The following PTPRM variants were observed in gnomAD, a reference collection of about 807,000 sequenced individuals.
The protein encoded by PTPRM is protein tyrosine phosphatase receptor type M, also known as receptor-type tyrosine-protein phosphatase mu.
A neutral mutation model predicts 186.7 loss-of-function variants in PTPRM; 47 were observed. The ratio of observed to expected loss-of-function variants is 0.25; its 90% CI spans 0.20 to 0.32. PTPRM has a LOEUF of 0.32. Ranked by LOEUF, PTPRM falls within the 10% of genes least tolerant of loss-of-function variation. The pLI, the probability that PTPRM is intolerant of heterozygous loss-of-function variation, is 1.00. For synonymous variants in PTPRM, 668 were observed against 674.9 expected, an observed-to-expected ratio of 0.99 and a Z score of 0.16; for missense variants, 1,494 against 1,865.0, an observed-to-expected ratio of 0.80 and a Z score of 3.66.
intron 7 of PTPRM, among the ~76,000 whole-genome samples, chr18:8,026,702 C>CA (rs1235545017): frequency 1.3e-5 from 2 of 151,876 alleles, no homozygotes; most frequent in African/African-American, 4.8e-5. Context: ...ACTAAAAATA[C>CA]AAAAAATTAG....
chr18:7,949,391 A>C (rs1015565037), intron 6 of PTPRM, 36 bp downstream of exon 6: 1 of 1,549,438 alleles, frequency 6.5e-7, no homozygotes, highest in Non-Finnish European at 8.8e-7. Context: ...ATATTCTTCT[A>C]AAGTAGATAT....
intron 11 of PTPRM, among the ~76,000 whole-genome samples, chr18:8,095,097 G>C (rs1393308794): frequency 6.6e-6 from 1 of 152,116 alleles, no homozygotes; most frequent in African/African-American, 2.4e-5. Flanking sequence ...TGGGGATATG[G>C]AGGAGGCTGC....
intron 3 of PTPRM, among the ~76,000 whole-genome samples, chr18:7,903,336 C>T (rs1473139393): frequency 6.6e-6 from 1 of 152,214 alleles, no homozygotes; most frequent in African/African-American, 2.4e-5. Flanking sequence ...TCTTGGGTAG[C>T]TGGTAGTGGT....
chr18:7,613,824 A>G (rs1460224254), intron 1 of PTPRM, among the ~76,000 whole-genome samples: 2 of 152,198 alleles, frequency 1.3e-5, no homozygotes, highest in Non-Finnish European at 1.5e-5. Flanking sequence ...GTCCCTTCCA[A>G]TTGGTTTAAT....
chr18:8,241,595 T>C (rs1203581545), intron 14 of PTPRM, among the ~76,000 whole-genome samples: 2 of 152,222 alleles, frequency 1.3e-5, no homozygotes, highest in Non-Finnish European at 1.5e-5. Flanking sequence ...TTGAAATGAC[T>C]TGAACCTCCA....
At chr18:7,863,809 C>T (rs982255228) in intron 2 of PTPRM, among the ~76,000 whole-genome samples, 2 of 152,118 alleles carry the variant, frequency 1.3e-5, no homozygotes, top group Admixed American at 1.3e-4. Flanking sequence ...AATTTATGCT[C>T]CCACCAACAG....
In PTPRM at chr18:8,069,994, C is replaced by T. The variant is rs375793330; in HGVS notation, c.1441C>T (p.Leu481Phe). ...QELIVQTDEDLPGAVPTESIQ... is the reference protein window; with the variant it reads ...QELIVQTDEDFPGAVPTESIQ... ...ACTCATAGTGCAGACAGATGAAGAC[C>T]GTGAGTACCTTTGAATGATATGTTT... The change falls in exon 8 of 33, where the codon CTC becomes TTC. Residue 481 changes from leucine to phenylalanine, a missense_variant and splice_region_variant. Transcript: ENST00000580170. 14 of 1,607,064 alleles carry T rather than the reference C, an allele frequency of 8.7e-6. No homozygotes were observed. The highest frequency in any genetic ancestry group is 5.1e-5 in the Admixed American group (3 of 59,328).
chr18:7,859,361 C>G (rs942466955), intron 2 of PTPRM, among the ~76,000 whole-genome samples: 2 of 152,220 alleles, frequency 1.3e-5, no homozygotes, highest in Non-Finnish European at 2.9e-5. Flanking sequence ...TCTTTAGACA[C>G]AGAGCTCAGA....
intron 11 of PTPRM, among the ~76,000 whole-genome samples, chr18:8,092,043 T>C (rs1215765717): frequency 6.6e-6 from 1 of 152,134 alleles, no homozygotes; most frequent in African/African-American, 2.4e-5. Context: ...CAAAACCCAT[T>C]TTTTTCAATT....
chr18:8,136,178 TG>T, intron 13 of PTPRM, among the ~76,000 whole-genome samples: 1 of 152,362 alleles, frequency 6.6e-6, no homozygotes, highest in South Asian at 2.1e-4. Context: ...TCATCTGTTT[TG>T]GAAGCAGCCA....
chr18:8,220,515 T>C (rs2094142144), intron 14 of PTPRM, among the ~76,000 whole-genome samples: 1 of 152,252 alleles, frequency 6.6e-6, no homozygotes, highest in Non-Finnish European at 1.5e-5. Context: ...GCATTCTTTA[T>C]GTGAACCTGT....
rs1191089703 is a variant in PTPRM, at chr18:8,287,160, G to C, written c.2755-9208G>C. Among the ~76,000 whole-genome samples the C allele has an allele frequency of 2.0e-5, 3 of 151,968 alleles. No individual in the cohort carries two copies. In the East Asian group the frequency reaches 5.8e-4, roughly 29 times the overall value. On this transcript the variant is annotated intron_variant, in intron 19 of 32. Transcript: ENST00000580170. ...CCACCCAACTTCCAAATACTATATA[G>C]AGTCAGTGAAGGAAAAATACAGACA...
At chr18:8,229,415 T>C (rs2094256502) in intron 14 of PTPRM, among the ~76,000 whole-genome samples, 1 of 152,220 alleles carries the variant, frequency 6.6e-6, no homozygotes, top group African/African-American at 2.4e-5. Context: ...TTGAACACTC[T>C]ACAGTTAGAA....
At chr18:7,929,196 A>G (rs1396473288) in intron 5 of PTPRM, among the ~76,000 whole-genome samples, 1 of 152,168 alleles carries the variant, frequency 6.6e-6, no homozygotes, top group Non-Finnish European at 1.5e-5. Context: ...CACACATTCT[A>G]AATCAGGAAA....
rs755485699 is a variant in PTPRM at position 8,319,160 on chromosome 18, T to A, written c.2920-18T>A. On this transcript the variant is annotated intron_variant, in intron 21 of 32. Coordinates refer to ENST00000580170, the MANE Select transcript of PTPRM (RefSeq NM_001105244.2). Reference sequence around the variant, plus strand: ...TCGATTTTATGTTTATCAAATATTCTCTTTTATTTATTTTTAGGGTTATCA... The same window carrying A: ...TCGATTTTATGTTTATCAAATATTCACTTTTATTTATTTTTAGGGTTATCA... 1 of 1,492,654 alleles carries A rather than the reference T, an allele frequency of 6.7e-7. No individual in the cohort carries two copies. The highest frequency in any genetic ancestry group is 9.3e-7 in the Non-Finnish European group (1 of 1,077,174). 92.5% of individuals were successfully genotyped at this position (1,492,654 alleles called of 1,614,324 possible).
chr18:8,188,261 A>T (rs1162127171), intron 14 of PTPRM, among the ~76,000 whole-genome samples: 4 of 152,246 alleles, frequency 2.6e-5, no homozygotes, highest in Non-Finnish European at 5.9e-5. Flanking sequence ...TAGTCAGAGG[A>T]AAGGCTCCTC....
intron 2 of PTPRM, among the ~76,000 whole-genome samples, chr18:7,825,623 T>G (rs1270585725): frequency 6.6e-6 from 1 of 152,132 alleles, no homozygotes; most frequent in East Asian, 1.9e-4. Context: ...GGCTGATCCC[T>G]GTGATGCCAT....
chr18:7,598,719 T>G (rs1028828794), intron 1 of PTPRM, among the ~76,000 whole-genome samples: 13 of 152,126 alleles, frequency 8.5e-5, no homozygotes, highest in African/African-American at 3.1e-4. Context: ...TAAACATTGC[T>G]GTTATCTTAG....
chr18:8,080,664 T>C (rs528136645), intron 9 of PTPRM, among the ~76,000 whole-genome samples: 4 of 152,298 alleles, frequency 2.6e-5, no homozygotes, highest in Admixed American at 2.0e-4. Flanking sequence ...CACCATCAGC[T>C]GAGATAGGTG....
Sources: allele counts gnomAD v4.1 joint callset (sites outside exome capture counted in the v4.1 genomes callset), GRCh38; gene constraint gnomAD v4.1.1; transcripts MANE v1.5; gene names NCBI Gene and HGNC (gene_info 2026-07-23, HGNC 2026-07-21).